ZNF605: variants seen among roughly 807,000 people sequenced by gnomAD.
The protein encoded by ZNF605 is zinc finger protein 605.
ZNF605 carries 9 observed loss-of-function variants against 7.9 expected under a neutral mutation model. That is an observed-to-expected ratio of 1.14 (90% CI 0.68 to 1.98). The LOEUF (loss-of-function observed/expected upper bound fraction) is 1.98, where lower values mean the gene tolerates loss of function less well. Ranked by LOEUF, ZNF605 falls within the 30% of genes most tolerant of loss-of-function variation. The pLI is 0.00. For synonymous variants in ZNF605, 255 were observed against 260.1 expected, an observed-to-expected ratio of 0.98 and a Z score of 0.19; for missense variants, 673 against 762.4, an observed-to-expected ratio of 0.88 and a Z score of 1.38.
At chr12:132,932,660 A>C in intron 4 of ZNF605, 2 of 1,247,454 alleles carry the variant, frequency 1.6e-6, no homozygotes, top group Non-Finnish European at 2.2e-6. Flanking sequence ...ACCTGTCATC[A>C]AAAACCTGAG....
At chr12:132,936,080 C>A (rs1952363819) in intron 3 of ZNF605, among the ~76,000 whole-genome samples, 1 of 150,588 alleles carries the variant, frequency 6.6e-6, no homozygotes, top group African/African-American at 2.4e-5. Context: ...CAAAAAAAAA[C>A]AAACAGGAGT....
intron 2 of ZNF605, among the ~76,000 whole-genome samples, chr12:132,947,295 G>A (rs936885721): frequency 5.3e-5 from 8 of 151,520 alleles, no homozygotes; most frequent in Non-Finnish European, 8.8e-5. Flanking sequence ...GATTACAGGT[G>A]TGAGCCACCA....
At chr12:132,952,098 G>A (rs1952579141) in intron 1 of ZNF605, among the ~76,000 whole-genome samples, 1 of 152,082 alleles carries the variant, frequency 6.6e-6, no homozygotes, top group Non-Finnish European at 1.5e-5. Flanking sequence ...GATGTACGGT[G>A]TCTCTGCCCT....
intron 4 of ZNF605, chr12:132,932,718 A>G: frequency 6.5e-7 from 1 of 1,529,890 alleles, no homozygotes; most frequent in South Asian, 1.2e-5. Context: ...CTCACCTGAA[A>G]AGTTCTGATT....
intron 3 of ZNF605, among the ~76,000 whole-genome samples, chr12:132,944,530 T>C (rs757535604): frequency 8.3e-4 from 126 of 152,294 alleles, no homozygotes; most frequent in Non-Finnish European, 1.1e-3. Context: ...GTGGAGAGCA[T>C]ACTTATGGGG....
chr12:132,934,767 G>GA (rs1448686246), intron 3 of ZNF605, among the ~76,000 whole-genome samples: 1 of 148,662 alleles, frequency 6.7e-6, no homozygotes, highest in Non-Finnish European at 1.5e-5. Flanking sequence ...AAAATGAGTA[G>GA]AAAAAAATCA....
chr12:132,939,709 C>G (rs1424026971), intron 3 of ZNF605, among the ~76,000 whole-genome samples: 1 of 152,198 alleles, frequency 6.6e-6, no homozygotes, highest in South Asian at 2.1e-4. Context: ...AGTGGCAACC[C>G]GCTCGGGTCC....
At chr12:132,939,419 T>A (rs1459728535) in intron 3 of ZNF605, among the ~76,000 whole-genome samples, 1 of 151,404 alleles carries the variant, frequency 6.6e-6, no homozygotes, top group East Asian at 1.9e-4. Flanking sequence ...TAGCTCAAGG[T>A]TTGTAAACAC....
At chr12:132,945,466 C>T (rs1423300966) in intron 3 of ZNF605, 155 bp downstream of exon 3, 2 of 622,902 alleles carry the variant, frequency 3.2e-6, no homozygotes, top group East Asian at 5.5e-5. Context: ...GAGGATAAAC[C>T]GATAACCCAC....
intron 1 of ZNF605, chr12:132,948,751 G>C (rs1378707017): frequency 3.9e-5 from 6 of 152,282 alleles, no homozygotes; most frequent in African/African-American, 1.4e-4. Context: ...AAAGAGTACA[G>C]CCAGACGCCA....
rs1221001057 is a variant in ZNF605, at chr12:132,941,075, G to T, written c.15+4546C>A. Among the ~76,000 whole-genome samples the T allele has an allele frequency of 6.6e-6, 1 of 152,104 alleles. No homozygotes were observed. The highest frequency in any genetic ancestry group is 1.5e-5 in the Non-Finnish European group (1 of 68,016). On this transcript the variant is annotated intron_variant, in intron 3 of 4. Coordinates refer to ENST00000360187, the MANE Select transcript of ZNF605 (RefSeq NM_183238.4). The surrounding 1 kb of genome is among the most constrained non-coding windows in gnomAD (Gnocchi z 5.1). ...GAAGCATTTTGTTACCCATACGGGTGCTCACCAAAAAGACTCCAGTGCTGA... is the reference window on the plus strand; with the variant it reads ...GAAGCATTTTGTTACCCATACGGGTTCTCACCAAAAAGACTCCAGTGCTGA...
intron 1 of ZNF605, among the ~76,000 whole-genome samples, chr12:132,951,969 A>G (rs1396268660): frequency 1.3e-5 from 2 of 151,170 alleles, no homozygotes; most frequent in African/African-American, 4.9e-5. Flanking sequence ...TCACATACAC[A>G]CACGTTCACA....
chr12:132,944,269 G>A (rs1424029289), intron 3 of ZNF605, among the ~76,000 whole-genome samples: 1 of 151,796 alleles, frequency 6.6e-6, no homozygotes, highest in Non-Finnish European at 1.5e-5. Context: ...CCAGGCTGGA[G>A]TGCAGTGGTG....
chr12:132,930,357 A>C (rs1952295266), intron 4 of ZNF605, among the ~76,000 whole-genome samples: 1 of 152,238 alleles, frequency 6.6e-6, no homozygotes, highest in Non-Finnish European at 1.5e-5. Flanking sequence ...TTCTGATGGC[A>C]CACCAACAAA....
intron 3 of ZNF605, among the ~76,000 whole-genome samples, chr12:132,934,735 C>G (rs1436623837): frequency 6.7e-6 from 1 of 148,260 alleles, no homozygotes; most frequent in Non-Finnish European, 1.5e-5. Context: ...TTCCAGGAAC[C>G]ATAACAGGTA....
rs986614909 is a variant in ZNF605, at chr12:132,939,015, C to A, written c.16-5860G>T. On this transcript the variant is annotated intron_variant, in intron 3 of 4. Transcript: ENST00000360187. ...CGGGGCAGGGCTGGGCACCTGCAGC[C>A]CACCATGCCTGAGCCTCCCACCCAC... Among the ~76,000 whole-genome samples, 7 of 151,562 alleles carry A rather than the reference C, an allele frequency of 4.6e-5. 2 individuals carry two copies. Among genetic ancestry groups the A allele is most frequent in the Non-Finnish European group, 8.9e-5 (6 of 67,702 alleles).
chr12:132,947,615 G>T (rs1338991367), intron 2 of ZNF605, among the ~76,000 whole-genome samples: 1 of 151,984 alleles, frequency 6.6e-6, no homozygotes, highest in Non-Finnish European at 1.5e-5. Context: ...GTCTGGCCTC[G>T]TTTAATTTTT....
chr12:132,923,233 A>G lies in ZNF605; in HGVS notation c.*2140T>C, dbSNP rs777826508. The G allele has an allele frequency of 3.3e-5, 5 of 152,250 alleles. No individual in the cohort carries two copies. The highest frequency in any genetic ancestry group is 1.5e-5 in the Non-Finnish European group (1 of 68,050). The allele number at this position is 152,250 out of a possible 1,614,324, so 9.4% of individuals were successfully genotyped here. ...CAATTCCCTTTTAAAAAGATTTTAA[A>G]AAGAGAGAAATATCTTTTATATTTA... On this transcript the variant is annotated 3_prime_UTR_variant, in exon 5 of 5. Transcript: ENST00000360187.
chr12:132,942,188 C>T (rs1952449818), intron 3 of ZNF605, among the ~76,000 whole-genome samples: 1 of 152,164 alleles, frequency 6.6e-6, no homozygotes, highest in Admixed American at 6.5e-5. Context: ...AAACTGGCAT[C>T]TGGGAGGCTC....
Sources: gnomAD v4.1 joint callset for allele counts (sites outside exome capture counted in the v4.1 genomes callset) on GRCh38, gnomAD v4.1.1 for gene constraint, Gnocchi (gnomAD v3.1) non-coding constraint, MANE v1.5 for transcripts, NCBI Gene and HGNC (gene_info 2026-07-23, HGNC 2026-07-21) for gene names.